Variants in NDST4 observed in about 807,000 individuals in gnomAD.
NDST4 encodes the protein N-deacetylase and N-sulfotransferase 4, also known as N-heparan sulfate sulfotransferase 4.
Under a neutral mutation model 100.8 loss-of-function variants are expected in NDST4, and 63 were observed. That is an observed-to-expected ratio of 0.62 (90% confidence interval 0.51 to 0.77). The LOEUF is 0.77. Among genes scored for constraint, NDST4 ranks in the 30% least tolerant of loss-of-function variants. The probability of loss-of-function intolerance (pLI) is 0.00; values close to 1 mark genes in which losing one functional copy is unlikely to be tolerated. For synonymous variants in NDST4, 377 were observed against 361.8 expected, an observed-to-expected ratio of 1.04 and a Z score of -0.48; for missense variants, 943 against 1,018.4, an observed-to-expected ratio of 0.93 and a Z score of 1.01.
At chr4:114,962,534 T>G (rs1726286595) in intron 4 of NDST4, among the ~76,000 whole-genome samples, 1 of 151,996 alleles carries the variant, frequency 6.6e-6, no homozygotes, top group East Asian at 1.9e-4. Context: ...AATATAAAAT[T>G]GGAATTTTAA....
At position 115,104,848 on chromosome 4, in the gene NDST4, A is replaced by T. The variant is rs143403634; in HGVS notation, c.-247+8596T>A. Among the ~76,000 whole-genome samples, 25 of 152,282 alleles carry T rather than the reference A, an allele frequency of 1.6e-4. 1 individual carries two copies. The East Asian group carries it at 4.8e-3, about 30-fold the overall frequency. The stretch of plus-strand genomic sequence containing the variant: ...AATCACTCAGGGGATACTTTAAATC[A>T]GTACAAAATGTGGCATTGCAGGCCA... On this transcript the variant is annotated intron_variant, in intron 1 of 13. Transcript: ENST00000264363.
chr4:114,940,994 T>C (rs534077305), intron 4 of NDST4, among the ~76,000 whole-genome samples: 2 of 152,266 alleles, frequency 1.3e-5, no homozygotes, highest in East Asian at 3.9e-4. Flanking sequence ...AAAAGCAACA[T>C]TCAAGTGGGA....
intron 2 of NDST4, among the ~76,000 whole-genome samples, chr4:115,017,828 C>T (rs1452447094): frequency 1.3e-5 from 2 of 151,784 alleles, no homozygotes; most frequent in African/African-American, 4.8e-5. Context: ...TCATATGCTG[C>T]CCAGTGCCCA....
At chr4:115,078,287 G>A (rs926899814) in intron 1 of NDST4, among the ~76,000 whole-genome samples, 1 of 152,086 alleles carries the variant, frequency 6.6e-6, no homozygotes, top group African/African-American at 2.4e-5. Flanking sequence ...CTCACATGGT[G>A]GAAGCAGGAG....
chr4:115,056,962 T>G (rs1240780665), intron 2 of NDST4, among the ~76,000 whole-genome samples: 1 of 152,118 alleles, frequency 6.6e-6, no homozygotes, highest in Non-Finnish European at 1.5e-5. Context: ...GGACCATTAT[T>G]TTGGGTAATT....
At chr4:115,001,790 C>A (rs1377404381) in intron 2 of NDST4, among the ~76,000 whole-genome samples, 1 of 152,078 alleles carries the variant, frequency 6.6e-6, no homozygotes, top group East Asian at 1.9e-4. Context: ...AAATGACTTG[C>A]AGCTTTCAAT....
At chr4:115,040,177 T>C (rs1313032048) in intron 2 of NDST4, among the ~76,000 whole-genome samples, 2 of 151,580 alleles carry the variant, frequency 1.3e-5, no homozygotes, top group South Asian at 2.1e-4. Context: ...AATATGCAAC[T>C]TGTTTCCATG....
intron 2 of NDST4, among the ~76,000 whole-genome samples, chr4:115,074,254 G>C (rs897520440): frequency 6.6e-6 from 1 of 151,930 alleles, no homozygotes; most frequent in Non-Finnish European, 1.5e-5. Flanking sequence ...AGCAGTGAGT[G>C]ACAATTTGTT....
chr4:115,088,153 C>T (rs537518940), intron 1 of NDST4, among the ~76,000 whole-genome samples: 10 of 151,914 alleles, frequency 6.6e-5, no homozygotes, highest in Admixed American at 5.3e-4. Flanking sequence ...CCTAGCTCCA[C>T]AATCTTCTAC....
chr4:115,085,028 G>A (rs1729380947), intron 1 of NDST4, among the ~76,000 whole-genome samples: 1 of 152,160 alleles, frequency 6.6e-6, no homozygotes, highest in African/African-American at 2.4e-5. Flanking sequence ...ATGTGAGGGG[G>A]GCTGTACCCT....
chr4:114,914,460 C>T (rs534208110), intron 6 of NDST4, among the ~76,000 whole-genome samples: 1 of 152,014 alleles, frequency 6.6e-6, no homozygotes, highest in East Asian at 1.9e-4. Context: ...TGTGTACCCA[C>T]AAAAATTAAA....
chr4:114,915,172 G>A (rs918561164), intron 6 of NDST4, among the ~76,000 whole-genome samples: 67 of 152,114 alleles, frequency 4.4e-4, no homozygotes, highest in African/African-American at 1.6e-3. Flanking sequence ...CTGTTCTCAG[G>A]GATTCTCCAG....
chr4:114,829,574 A>C (rs1439053080), intron 13 of NDST4, among the ~76,000 whole-genome samples: 4 of 152,168 alleles, frequency 2.6e-5, no homozygotes, highest in African/African-American at 9.6e-5. Context: ...ACAGCAAATA[A>C]TTTCTAGGAA....
intron 1 of NDST4, among the ~76,000 whole-genome samples, chr4:115,103,052 T>C (rs2110343971): frequency 6.6e-6 from 1 of 152,114 alleles, no homozygotes; most frequent in East Asian, 1.9e-4. Context: ...AATACATTAA[T>C]GCTGTCCAAA....
intron 1 of NDST4, among the ~76,000 whole-genome samples, chr4:115,092,409 T>C (rs1409519858): frequency 1.3e-5 from 2 of 152,054 alleles, no homozygotes; most frequent in African/African-American, 4.8e-5. Flanking sequence ...ATCACGAATT[T>C]CTCAAACGTA....
At chr4:114,989,539 T>C (rs1726990063) in intron 2 of NDST4, among the ~76,000 whole-genome samples, 1 of 152,188 alleles carries the variant, frequency 6.6e-6, no homozygotes, top group Non-Finnish European at 1.5e-5. Flanking sequence ...AAATTACTAA[T>C]ACATTGCAGT....
chr4:114,871,463 T>G (rs962666553), intron 6 of NDST4, among the ~76,000 whole-genome samples: 9 of 152,098 alleles, frequency 5.9e-5, no homozygotes, highest in African/African-American at 1.9e-4. Context: ...TCCCCACTCA[T>G]TAATCCTTTT....
At chr4:114,984,719 C>T (rs896857775) in intron 2 of NDST4, among the ~76,000 whole-genome samples, 6 of 152,088 alleles carry the variant, frequency 3.9e-5, no homozygotes, top group African/African-American at 1.4e-4. Context: ...CCATGCCTGC[C>T]TTAAAACTCA....
intron 1 of NDST4, among the ~76,000 whole-genome samples, chr4:115,081,460 C>T (rs1264933626): frequency 6.6e-6 from 1 of 152,026 alleles, no homozygotes; most frequent in Admixed American, 6.6e-5. Flanking sequence ...GAATCTCTTA[C>T]CTACTGTGTG....
Sources: gnomAD v4.1 joint callset for allele counts (sites outside exome capture counted in the v4.1 genomes callset) on GRCh38, gnomAD v4.1.1 for gene constraint, MANE v1.5 for transcripts, NCBI Gene and HGNC (gene_info 2026-07-23, HGNC 2026-07-21) for gene names.